The following VAT1L variants were observed in gnomAD, a reference collection of about 807,000 sequenced individuals.
VAT1L encodes vesicle amine transport 1 like.
In VAT1L, 34 loss-of-function variants were observed where a neutral mutation model predicts 44.1. The observed-to-expected ratio is 0.77, with a 90% confidence interval of 0.59 to 1.03. The LOEUF is 1.03. VAT1L is among the 50% of genes least tolerant of loss of function. The pLI, the probability that VAT1L is intolerant of heterozygous loss-of-function variation, is 0.00. For synonymous variants in VAT1L, 253 were observed against 202.2 expected (o/e 1.25, Z -2.13); for missense variants, 615 against 538.8 (o/e 1.14, Z -1.40).
In VAT1L at chr16:77,971,521, G is replaced by C. The variant is rs151326880; in HGVS notation, c.1078-329G>C. 1.9e-4 allele frequency among the ~76,000 whole-genome samples: 29 copies of C among 152,242 alleles called. 1 individual carries two copies. In the East Asian group the frequency reaches 5.6e-3, roughly 29 times the overall value. On this transcript the variant is annotated intron_variant, in intron 7 of 8. Transcript: ENST00000302536. ...ATCTCTATTGGTCAAAATCTAATCT[G>C]ACTAATGCACCCTGCCACCCTGCAG...
chr16:77,852,158 TGGC>T (rs370749962), intron 3 of VAT1L, among the ~76,000 whole-genome samples: 12 of 152,206 alleles, frequency 7.9e-5, no homozygotes, highest in African/African-American at 2.9e-4. Context: ...AAAACTGTGC[TGGC>T]TTGACCCTCA....
intron 1 of VAT1L, among the ~76,000 whole-genome samples, chr16:77,795,813 CTTTTTTTTTTTTTT>C (rs56725954): frequency 0.026 from 2,583 of 100,696 alleles, 89 homozygotes; most frequent in African/African-American, 0.092. Flanking sequence ...CCTTTTTTCT[CTTTTTTTTTTTTTT>C]TTTTTTTTTT....
intron 4 of VAT1L, among the ~76,000 whole-genome samples, chr16:77,871,178 G>A (rs965526295): frequency 1.3e-5 from 2 of 152,056 alleles, no homozygotes; most frequent in African/African-American, 4.8e-5. Flanking sequence ...TGCTGAGAAT[G>A]ATATCTGCCT....
At chr16:77,826,374 T>G (rs978328249) in intron 3 of VAT1L, among the ~76,000 whole-genome samples, 2 of 152,222 alleles carry the variant, frequency 1.3e-5, no homozygotes, top group Non-Finnish European at 2.9e-5. Flanking sequence ...TAAATTGCAG[T>G]GGACTTGAGA....
chr16:77,919,682 T>C (rs1363588977), intron 7 of VAT1L, among the ~76,000 whole-genome samples: 1 of 152,244 alleles, frequency 6.6e-6, no homozygotes, highest in Non-Finnish European at 1.5e-5. Context: ...CCTCGCTTTC[T>C]AAATGCCCTT....
chr16:77,795,765 T>A (rs1374701531), intron 1 of VAT1L, among the ~76,000 whole-genome samples: 1 of 152,046 alleles, frequency 6.6e-6, no homozygotes, highest in Non-Finnish European at 1.5e-5. Context: ...TGCTTTGCCC[T>A]TTATTAACCA....
At chr16:77,905,447 G>C (rs1157856390) in intron 7 of VAT1L, among the ~76,000 whole-genome samples, 1 of 152,036 alleles carries the variant, frequency 6.6e-6, no homozygotes, top group Admixed American at 6.6e-5. Flanking sequence ...TTCCCTGAAG[G>C]CACCTTCTGA....
intron 3 of VAT1L, among the ~76,000 whole-genome samples, chr16:77,844,302 A>ATAG (rs1369465685): frequency 6.6e-6 from 1 of 152,218 alleles, no homozygotes; most frequent in Non-Finnish European, 1.5e-5. Flanking sequence ...GCTTGTGTAC[A>ATAG]TAGCATTTAC....
intron 7 of VAT1L, among the ~76,000 whole-genome samples, chr16:77,929,263 T>C (rs1377156462): frequency 6.6e-6 from 1 of 152,190 alleles, no homozygotes; most frequent in East Asian, 1.9e-4. Flanking sequence ...GACTTAGTAC[T>C]GCCTGAACAG....
intron 3 of VAT1L, among the ~76,000 whole-genome samples, chr16:77,861,526 C>T (rs945568217): frequency 1.3e-5 from 2 of 152,172 alleles, no homozygotes; most frequent in African/African-American, 4.8e-5. Context: ...ATAATAAGCC[C>T]CTAAGGGGGA....
chr16:77,932,345 T>G (rs2017742318), intron 7 of VAT1L, among the ~76,000 whole-genome samples: 1 of 151,974 alleles, frequency 6.6e-6, no homozygotes, highest in Admixed American at 6.6e-5. Flanking sequence ...GACCTCATGA[T>G]CCTCCCGCCT....
chr16:77,888,956 C>T (rs2017236231), intron 7 of VAT1L, among the ~76,000 whole-genome samples: 1 of 152,234 alleles, frequency 6.6e-6, no homozygotes, highest in Middle Eastern at 3.2e-3. Context: ...CACCGACTTT[C>T]TGCCGGCTTT....
intron 2 of VAT1L, among the ~76,000 whole-genome samples, chr16:77,820,406 G>T (rs1345694250): frequency 1.3e-5 from 2 of 152,188 alleles, no homozygotes; most frequent in African/African-American, 4.8e-5. Flanking sequence ...ACATTTAGCT[G>T]AAGACCAAAC....
chr16:77,838,542 A>G (rs1041499890), intron 3 of VAT1L, among the ~76,000 whole-genome samples: 3 of 151,988 alleles, frequency 2.0e-5, no homozygotes, highest in Non-Finnish European at 4.4e-5. Context: ...GTCCGACTCC[A>G]CGACAGGATA....
At position 77,788,776 on chromosome 16, in the gene VAT1L, G is replaced by T. The variant is rs976842729; in HGVS notation, c.94G>T (p.Gly32Cys). 1 of 1,563,366 alleles carries T rather than the reference G, an allele frequency of 6.4e-7. No individual in the cohort carries two copies. Among genetic ancestry groups the T allele is most frequent in the Non-Finnish European group, 8.7e-7 (1 of 1,154,422 alleles). Residue 32 changes from glycine (G) to cysteine (C), a missense_variant, in exon 1 of 9, where the codon GGC (glycine) becomes TGC (cysteine). By Grantham distance (159) the Gly-to-Cys change is radical (BLOSUM62 -3). Transcript: ENST00000302536. Reference protein sequence around the residue: ...KEPAEGGGGDGSHRLGDAQEM... With the variant: ...KEPAEGGGGDCSHRLGDAQEM... ...GCCGGCGGAGGGCGGCGGCGGCGAC[G>T]GCTCGCACCGCCTCGGGGACGCCCA... is the stretch of plus-strand genomic sequence containing the variant.
At chr16:77,793,848 A>T (rs559337053) in intron 1 of VAT1L, among the ~76,000 whole-genome samples, 1 of 152,308 alleles carries the variant, frequency 6.6e-6, no homozygotes, top group East Asian at 1.9e-4. Flanking sequence ...GGGTATAGTA[A>T]ATTGGAGATA....
At chr16:77,833,904 C>T (rs768324810) in intron 3 of VAT1L, among the ~76,000 whole-genome samples, 1 of 152,066 alleles carries the variant, frequency 6.6e-6, no homozygotes, top group African/African-American at 2.4e-5. Context: ...GACAGGAGGG[C>T]GTTTCTTACA....
intron 1 of VAT1L, among the ~76,000 whole-genome samples, chr16:77,795,280 G>C (rs374431880): frequency 0.096 from 9,497 of 99,014 alleles, 458 homozygotes; most frequent in East Asian, 0.25. Context: ...TTTACAGTGG[G>C]GGCGGGGGGA....
chr16:77,890,857 G>A (rs2017257437), intron 7 of VAT1L, among the ~76,000 whole-genome samples: 1 of 151,646 alleles, frequency 6.6e-6, no homozygotes, highest in South Asian at 2.1e-4. Context: ...CTTGGGGGTG[G>A]AGGTTGCAGT....
Sources: allele counts gnomAD v4.1 joint callset (sites outside exome capture counted in the v4.1 genomes callset), GRCh38; gene constraint gnomAD v4.1.1; transcripts MANE v1.5; gene names NCBI Gene and HGNC (gene_info 2026-07-23, HGNC 2026-07-21).